Variants in DLGAP5 observed in about 807,000 individuals in gnomAD.
DLGAP5 encodes disks large-associated protein 5.
In DLGAP5, 90 loss-of-function variants were observed where a neutral mutation model predicts 99.6. That is an observed-to-expected ratio of 0.90 (90% CI 0.76 to 1.08). The LOEUF is 1.08. Ranked by LOEUF, DLGAP5 falls within the 50% of genes least tolerant of loss-of-function variation. The pLI, the probability that DLGAP5 is intolerant of heterozygous loss-of-function variation, is 0.00. For synonymous variants in DLGAP5, 311 were observed against 321.3 expected, an observed-to-expected ratio of 0.97 and a Z score of 0.34; for missense variants, 1,036 against 983.5, an observed-to-expected ratio of 1.05 and a Z score of -0.71.
chr14:55,152,748 T>C, intron 15 of DLGAP5, 101 bp from the exon 16 acceptor site: 1 of 990,990 alleles, frequency 1.0e-6, no homozygotes, highest in Middle Eastern at 2.2e-4. Context: ...GTTTAGGGAA[T>C]GGATCAAACA....
intron 14 of DLGAP5, among the ~76,000 whole-genome samples, chr14:55,156,355 G>C (rs1022263568): frequency 6.6e-6 from 1 of 152,076 alleles, no homozygotes; most frequent in African/African-American, 2.4e-5. Context: ...TGAGAGACAG[G>C]GTACTACATG....
At chr14:55,160,392 AT>A (rs1487079390) in intron 13 of DLGAP5, among the ~76,000 whole-genome samples, 2 of 147,104 alleles carry the variant, frequency 1.4e-5, no homozygotes, top group Non-Finnish European at 3.0e-5. Flanking sequence ...AAGACTCTAT[AT>A]AAAAAAAAAA....
intron 10 of DLGAP5, among the ~76,000 whole-genome samples, 175 bp downstream of exon 10, chr14:55,175,171 T>C (rs529728960): frequency 6.6e-6 from 1 of 152,292 alleles, no homozygotes; most frequent in African/African-American, 2.4e-5. Context: ...TTCCTACCCT[T>C]TGAATTAGGA....
At chr14:55,175,758 T>C (rs1416036287) in intron 9 of DLGAP5, 136 bp downstream of exon 9, 3 of 748,892 alleles carry the variant, frequency 4.0e-6, no homozygotes, top group East Asian at 5.6e-5. Flanking sequence ...CCAAATGATA[T>C]GGTGAAAAAG....
In DLGAP5 at chr14:55,158,602, G is replaced by A. The variant is rs1299315942; in HGVS notation, c.1793C>T (p.Ser598Phe). ...TTTATCAACTTCCTTTGGTATCACA[G>A]AAACTGCTGTTTCAGCACATTCTTC... Reference protein sequence around the residue: ...RQEECAETAVSVIPKEVDKIV... With the variant: ...RQEECAETAVFVIPKEVDKIV... Residue 598 changes from serine to phenylalanine, a missense_variant, in exon 14 of 19, where the codon TCT (serine) becomes TTT (phenylalanine). Physicochemically the swap from Ser to Phe is radical, Grantham distance 155. Coordinates refer to ENST00000247191, the MANE Select transcript of DLGAP5 (RefSeq NM_014750.5). 2 of 1,614,106 alleles carry A rather than the reference G, an allele frequency of 1.2e-6. No individual in the cohort carries two copies. The highest frequency in any genetic ancestry group is 4.5e-5 in the East Asian group (2 of 44,856).
intron 12 of DLGAP5, among the ~76,000 whole-genome samples, chr14:55,164,974 T>C (rs546751726): frequency 3.3e-5 from 5 of 150,490 alleles, no homozygotes; most frequent in Admixed American, 6.6e-5. Flanking sequence ...AATAAAAATA[T>C]TTGCACTTCA....
At chr14:55,189,603 AC>A (rs1418963995) in intron 1 of DLGAP5, among the ~76,000 whole-genome samples, 1 of 152,078 alleles carries the variant, frequency 6.6e-6, no homozygotes, top group African/African-American at 2.4e-5. Flanking sequence ...ACAAACAAAA[AC>A]CCCACACCAG....
intron 10 of DLGAP5, among the ~76,000 whole-genome samples, chr14:55,174,752 G>A (rs1882995444): frequency 6.6e-6 from 1 of 151,528 alleles, no homozygotes; most frequent in Admixed American, 6.6e-5. Flanking sequence ...GTGCAGTGGT[G>A]CAATCTTGGC....
rs962953447 is a variant in DLGAP5 at position 55,188,980 on chromosome 14, G to A, written c.200C>T (p.Ser67Phe). 6.2e-7 allele frequency: 1 copy of A among 1,613,538 alleles called. No homozygotes were observed. The highest frequency in any genetic ancestry group is 1.3e-5 in the African/African-American group (1 of 74,858). ...GRILVELDET[S>F]QGLVPEKTNV... Reference sequence around the variant, plus strand: ...GGTCTTTTCTGGAACAAGCCCTTGAGATGTCTCATCTAATTCAACAAGAAT... The same window carrying A: ...GGTCTTTTCTGGAACAAGCCCTTGAAATGTCTCATCTAATTCAACAAGAAT... Residue 67 changes from serine (S) to phenylalanine (F), a missense_variant, in exon 2 of 19, where the codon TCT becomes TTT. Ser to Phe is a radical substitution (Grantham distance 155, BLOSUM62 -2). Transcript: ENST00000247191.
At chr14:55,167,433 G>T (rs1236121857) in intron 12 of DLGAP5, among the ~76,000 whole-genome samples, 1 of 152,084 alleles carries the variant, frequency 6.6e-6, no homozygotes, top group African/African-American at 2.4e-5. Flanking sequence ...GCTTAATTAT[G>T]ACTAAACACT....
chr14:55,163,019 C>A lies in DLGAP5; in HGVS notation c.1605G>T (p.Trp535Cys). 1 of 1,601,088 alleles carries A rather than the reference C, an allele frequency of 6.2e-7. No homozygotes were observed. The highest frequency in any genetic ancestry group is 8.5e-7 in the Non-Finnish European group (1 of 1,173,916). ...NNLIKLEESGWQVNNNMNHNM... is the reference protein window; with the variant it reads ...NNLIKLEESGCQVNNNMNHNM... ...TATGATTCATATTATTATTGACTTGCCACCCAGATTCCTCAAGTTTGATCA... is the reference window on the plus strand; with the variant it reads ...TATGATTCATATTATTATTGACTTGACACCCAGATTCCTCAAGTTTGATCA... The change falls in exon 13 of 19, where the codon TGG becomes TGT. Residue 535 changes from tryptophan (W) to cysteine (C), a missense_variant. Trp to Cys is a radical substitution (Grantham distance 215). Transcript: ENST00000247191.
At position 55,169,608 on chromosome 14, in the gene DLGAP5, T is replaced by A. The variant is rs548194247; in HGVS notation, c.1388-49A>T. On this transcript the variant is annotated intron_variant, in intron 11 of 18. Transcript: ENST00000247191. ...AAAATTAAAGGACAAAACGGGACAT[T>A]CATTGCAAGTCAGCCCACTGATAAG... 5.1e-5 allele frequency: 73 copies of A among 1,435,900 alleles called. No homozygotes were observed. The South Asian group carries it at 9.8e-4, about 19-fold the overall frequency. 88.9% of individuals were successfully genotyped at this position (1,435,900 alleles called of 1,614,324 possible).
Position 55,151,957 on chromosome 14 carries a change from G to C in DLGAP5, c.2122-16C>G. 6.3e-7 allele frequency: 1 copy of C among 1,596,740 alleles called. No individual in the cohort carries two copies. Among genetic ancestry groups the C allele is most frequent in the Non-Finnish European group, 8.5e-7 (1 of 1,172,914 alleles). Reference sequence around the variant, plus strand: ...TATTTACAACCTGGAAGTAAAAATGGCATTATATTTAATTATCAATTTAAT... The same window carrying C: ...TATTTACAACCTGGAAGTAAAAATGCCATTATATTTAATTATCAATTTAAT... On this transcript the variant is annotated splice_polypyrimidine_tract_variant and intron_variant, in intron 16 of 18. Transcript: ENST00000247191.
chr14:55,180,748 C>G lies in DLGAP5; in HGVS notation c.611G>C (p.Arg204Thr), dbSNP rs1314088118. 1.2e-6 allele frequency: 2 copies of G among 1,613,914 alleles called. No homozygotes were observed. Among genetic ancestry groups the G allele is most frequent in the African/African-American group, 2.7e-5 (2 of 74,866 alleles). Residue 204 changes from arginine to threonine, a missense_variant, in exon 6 of 19, where the codon AGA becomes ACA. Physicochemically the swap from Arg to Thr is moderately conservative, Grantham distance 71. Transcript: ENST00000247191. ...VVQPVMPTSL[R>T]MTRSATQAAK... ...TGCTTGAGTAGCTGATCGAGTCATT[C>G]TCAACGACGTGGGCATTACAGGCTG... is the stretch of plus-strand genomic sequence containing the variant.
intron 7 of DLGAP5, among the ~76,000 whole-genome samples, chr14:55,177,916 G>GA (rs1883136078): frequency 6.6e-6 from 1 of 151,816 alleles, no homozygotes; most frequent in Non-Finnish European, 1.5e-5. Flanking sequence ...AATTAATATG[G>GA]AAAAACTTAT....
chr14:55,178,972 G>A (rs1486583920), intron 7 of DLGAP5, among the ~76,000 whole-genome samples: 2 of 152,096 alleles, frequency 1.3e-5, no homozygotes, highest in African/African-American at 2.4e-5. Context: ...ACTTGAACCC[G>A]GGGAGCGGAA....
At chr14:55,182,479 G>C (rs964153891) in intron 3 of DLGAP5, 47 bp from the exon 4 acceptor site, 1 of 1,487,908 alleles carries the variant, frequency 6.7e-7, no homozygotes. Context: ...AACTGGTAAA[G>C]GTTTACTTCC....
In DLGAP5 at chr14:55,182,408, T is replaced by C; in HGVS notation, c.457A>G (p.Thr153Ala). ...ATTTGGTCTTTGGCCTTTGACCTTG[T>C]AATCCGTACAGAAGATGGAATAGCC... Reference protein sequence around the residue: ...KKAIPSSVRITRSKAKDQMEQ... With the variant: ...KKAIPSSVRIARSKAKDQMEQ... Residue 153 changes from threonine (T) to alanine (A), a missense_variant, in exon 4 of 19, where the codon ACA (threonine) becomes GCA (alanine). Transcript: ENST00000247191. 1 of 1,612,962 alleles carries C rather than the reference T, an allele frequency of 6.2e-7. No homozygotes were observed. The highest frequency in any genetic ancestry group is 8.5e-7 in the Non-Finnish European group (1 of 1,179,230).
chr14:55,162,490 G>T (rs1204717994), intron 13 of DLGAP5, among the ~76,000 whole-genome samples: 2 of 152,084 alleles, frequency 1.3e-5, no homozygotes, highest in African/African-American at 4.8e-5. Flanking sequence ...GTGGTGGCTG[G>T]CGCCTGTATT....
Sources: allele counts gnomAD v4.1 joint callset (sites outside exome capture counted in the v4.1 genomes callset), GRCh38; gene constraint gnomAD v4.1.1; transcripts MANE v1.5; gene names NCBI Gene and HGNC (gene_info 2026-07-23, HGNC 2026-07-21).